The following GSDME variants were observed in gnomAD, a reference collection of about 807,000 sequenced individuals.
The protein encoded by GSDME is gasdermin E.
A neutral mutation model predicts 47.5 loss-of-function variants in GSDME; 44 were observed. That is an observed-to-expected ratio of 0.93 (90% confidence interval 0.73 to 1.19). GSDME has a LOEUF of 1.19. GSDME is among the 50% of genes most tolerant of loss of function. The pLI, the probability that GSDME is intolerant of heterozygous loss-of-function variation, is 0.00. For missense variants in GSDME, 663 were observed against 604.2 expected, an observed-to-expected ratio of 1.10 and a Z score of -1.02; for synonymous variants, 258 against 252.8, an observed-to-expected ratio of 1.02 and a Z score of -0.20.
At position 24,739,664 on chromosome 7, in the gene GSDME, G is replaced by GAGCT. The variant is rs1354427131; in HGVS notation, c.404+4894_404+4897dup. On this transcript the variant is annotated intron_variant, in intron 3 of 9. Transcript: ENST00000645220. This position sits in a 1 kb window ranked among gnomAD's most constrained non-coding sequence, Gnocchi z 5.1. ...AAAGAAAGGAAATCAGTATACTGAG[G>GAGCT]AGCTATCTGCACTCCTACATTTATT... 2.0e-5 allele frequency among the ~76,000 whole-genome samples: 3 copies of GAGCT among 152,266 alleles called. No homozygotes were observed. Among genetic ancestry groups the GAGCT allele is most frequent in the Non-Finnish European group, 4.4e-5 (3 of 68,012 alleles).
chr7:24,794,166 TTCTG>T, the GSDME span, among the ~76,000 whole-genome samples: 5 of 150,034 alleles, frequency 3.3e-5, no homozygotes, highest in Non-Finnish European at 7.5e-5. Flanking sequence ...TTTGACTTCC[TTCTG>T]TCTCTGTCTC....
the GSDME span, among the ~76,000 whole-genome samples, chr7:24,777,715 T>A: frequency 6.6e-6 from 1 of 152,128 alleles, no homozygotes; most frequent in Non-Finnish European, 1.5e-5. Context: ...GTAGTTGCAA[T>A]TTATTTTGCT....
chr7:24,794,232 GTC>G, the GSDME span, among the ~76,000 whole-genome samples: 6 of 150,466 alleles, frequency 4.0e-5, no homozygotes, highest in Admixed American at 4.0e-4. Context: ...GTCTCTTCCT[GTC>G]TCTCTTGCTT....
At chr7:24,713,032 A>G (rs1049738572) in intron 5 of GSDME, among the ~76,000 whole-genome samples, 12 of 151,518 alleles carry the variant, frequency 7.9e-5, no homozygotes, top group East Asian at 1.9e-4. Context: ...AAAAAAAAAA[A>G]GGGAAAAGCA....
chr7:24,777,793 G>A, the GSDME span, among the ~76,000 whole-genome samples: 1 of 152,110 alleles, frequency 6.6e-6, no homozygotes, highest in Non-Finnish European at 1.5e-5. Context: ...AGCTACTCAG[G>A]AGTTAGAGGC....
In GSDME at chr7:24,735,511, G is replaced by A. The variant is rs1158194478; in HGVS notation, c.404+9051C>T. ...GTGGCTCACGCCTGTAATCCCAGCAGTTTGGGAGGCCGAGGTGGGTGTATC... is the reference window on the plus strand; with the variant it reads ...GTGGCTCACGCCTGTAATCCCAGCAATTTGGGAGGCCGAGGTGGGTGTATC... On this transcript the variant is annotated intron_variant, in intron 3 of 9. Coordinates refer to ENST00000645220, the MANE Select transcript of GSDME (RefSeq NM_001127453.2). The surrounding 1 kb of genome is among the most constrained non-coding windows in gnomAD (Gnocchi z 4.4). Among the ~76,000 whole-genome samples, 1 of 151,968 alleles carries A rather than the reference G, an allele frequency of 6.6e-6. No homozygotes were observed. Among genetic ancestry groups the A allele is most frequent in the African/African-American group, 2.4e-5 (1 of 41,388 alleles).
At chr7:24,751,127 A>T (rs183980189) in intron 1 of GSDME, among the ~76,000 whole-genome samples, 2 of 152,328 alleles carry the variant, frequency 1.3e-5, no homozygotes, top group African/African-American at 4.8e-5. Flanking sequence ...GAGGGAACAA[A>T]AATGCTTAAC....
rs1790046189 is a variant in GSDME, at chr7:24,728,602, T to C, written c.405-9384A>G. Among the ~76,000 whole-genome samples, 1 of 152,196 alleles carries C rather than the reference T, an allele frequency of 6.6e-6. No individual in the cohort carries two copies. The highest frequency in any genetic ancestry group is 2.4e-5 in the African/African-American group (1 of 41,446). On this transcript the variant is annotated intron_variant, in intron 3 of 9. Transcript: ENST00000645220. The surrounding 1 kb of genome is among the most constrained non-coding windows in gnomAD (Gnocchi z 7.2). ...GGCCCTGCATACAGAAGGCGCTTAA[T>C]GCATGCTTGATTGTTAAAGAACTGG...
At chr7:24,787,129 G>A in the GSDME span, among the ~76,000 whole-genome samples, 2 of 152,136 alleles carry the variant, frequency 1.3e-5, no homozygotes, top group Admixed American at 6.5e-5. This position sits in a 1 kb window ranked among gnomAD's most constrained non-coding sequence, Gnocchi z 5.0. Flanking sequence ...GGAAACACGA[G>A]ATACTGTGAC....
rs148209636 is a variant in GSDME at position 24,743,092 on chromosome 7, T to C, written c.404+1470A>G. ...GGCAGTAAACGCACAGCCATGGTCC[T>C]TCAGTTCCAGTAAGCATGGGCAGTT... On this transcript the variant is annotated intron_variant, in intron 3 of 9. Transcript: ENST00000645220. 2.1e-3 allele frequency among the ~76,000 whole-genome samples: 321 copies of C among 152,298 alleles called. 1 individual carries two copies. Among genetic ancestry groups the C allele is most frequent in the African/African-American group, 7.5e-3 (311 of 41,556 alleles).
In GSDME at chr7:24,705,946, G is replaced by C. The variant is rs1028513199; in HGVS notation, c.1183+238C>G. On this transcript the variant is annotated intron_variant, in intron 8 of 9. Transcript: ENST00000645220. The surrounding 1 kb of genome is among the most constrained non-coding windows in gnomAD (Gnocchi z 4.1). ...ACTGTGGCCTTCCCTGGGGGAGGAG[G>C]GAGAAGGGCCCTCCGGGAGAGTAGG... The C allele has an allele frequency of 3.4e-6, 2 of 580,648 alleles. No homozygotes were observed. Among genetic ancestry groups the C allele is most frequent in the Non-Finnish European group, 6.2e-6 (2 of 324,504 alleles). 36.0% of individuals were successfully genotyped at this position (580,648 alleles called of 1,614,324 possible). A position where few individuals can be genotyped will look rare whatever the true frequency, so the allele number is the denominator to read the frequency against.
At chr7:24,792,285 C>T in the GSDME span, among the ~76,000 whole-genome samples, 2 of 152,242 alleles carry the variant, frequency 1.3e-5, no homozygotes, top group East Asian at 3.9e-4. Flanking sequence ...TGGGGCAGTC[C>T]ATCCTTGCTC....
chr7:24,781,792 G>A, the GSDME span, among the ~76,000 whole-genome samples: 3 of 152,146 alleles, frequency 2.0e-5, no homozygotes, highest in South Asian at 2.1e-4. Context: ...TGTCCAGGCT[G>A]AAGTTCAGTG....
intron 3 of GSDME, among the ~76,000 whole-genome samples, chr7:24,738,347 A>G (rs944990539): frequency 6.6e-6 from 1 of 152,196 alleles, no homozygotes; most frequent in Non-Finnish European, 1.5e-5. Context: ...AATCTGAAAA[A>G]GAAATCAAGG....
the GSDME span, among the ~76,000 whole-genome samples, chr7:24,772,854 A>G: frequency 6.6e-6 from 1 of 152,190 alleles, no homozygotes; most frequent in African/African-American, 2.4e-5. The surrounding 1 kb of genome is among the most constrained non-coding windows in gnomAD (Gnocchi z 4.5). Context: ...GCGCTAATAT[A>G]TCTTTTATTT....
chr7:24,730,182 A>G (rs1182164829), intron 3 of GSDME, among the ~76,000 whole-genome samples: 1 of 152,200 alleles, frequency 6.6e-6, no homozygotes, highest in African/African-American at 2.4e-5. Flanking sequence ...TGAACAGCCC[A>G]AGTGGAACAA....
the GSDME span, among the ~76,000 whole-genome samples, chr7:24,777,221 T>C: frequency 1.3e-5 from 2 of 152,188 alleles, no homozygotes; most frequent in Non-Finnish European, 2.9e-5. Flanking sequence ...AGTATTTTAA[T>C]CAAGCAACAT....
At chr7:24,748,349 G>A (rs1194295385) in intron 2 of GSDME, among the ~76,000 whole-genome samples, 2 of 151,608 alleles carry the variant, frequency 1.3e-5, no homozygotes, top group Non-Finnish European at 2.9e-5. Flanking sequence ...TAGTAGAGAT[G>A]GGGTTTCACC....
At chr7:24,708,885 CCTTT>C (rs1379737687) in intron 6 of GSDME, among the ~76,000 whole-genome samples, 5 of 152,242 alleles carry the variant, frequency 3.3e-5, no homozygotes, top group Middle Eastern at 3.4e-3. Context: ...AATCTCTTTT[CCTTT>C]CTTTGTTTTT....
Sources: gnomAD v4.1 joint callset for allele counts (sites outside exome capture counted in the v4.1 genomes callset) on GRCh38, gnomAD v4.1.1 for gene constraint, Gnocchi (gnomAD v3.1) non-coding constraint, MANE v1.5 for transcripts, NCBI Gene and HGNC (gene_info 2026-07-23, HGNC 2026-07-21) for gene names.